Variants in PRRX2 observed in about 807,000 individuals in gnomAD.
PRRX2 encodes the protein paired mesoderm homeobox protein 2.
Under a neutral mutation model 18.0 loss-of-function variants are expected in PRRX2, and 11 were observed. The observed-to-expected ratio is 0.61, with a 90% CI of 0.39 to 1.01. The LOEUF (loss-of-function observed/expected upper bound fraction) is 1.01. Ranked by LOEUF, PRRX2 falls within the 50% of genes least tolerant of loss-of-function variation. The probability of loss-of-function intolerance (pLI) is 0.01; values close to 1 mark genes in which losing one functional copy is unlikely to be tolerated. For missense variants in PRRX2, 387 were observed against 351.0 expected (o/e 1.10, Z -0.82); for synonymous variants, 177 against 154.8 (o/e 1.14, Z -1.06).
intron 1 of PRRX2, among the ~76,000 whole-genome samples, chr9:129,669,196 C>T (rs909828462): frequency 6.6e-6 from 1 of 151,598 alleles, no homozygotes; most frequent in Non-Finnish European, 1.5e-5. Context: ...CACAAAGCCA[C>T]CAGTAGATAA....
intron 1 of PRRX2, among the ~76,000 whole-genome samples, chr9:129,705,149 C>T (rs1832541510): frequency 6.7e-6 from 1 of 149,492 alleles, no homozygotes; most frequent in Non-Finnish European, 1.5e-5. Flanking sequence ...ACCCACCCCG[C>T]ACCCCATTCC....
intron 1 of PRRX2, among the ~76,000 whole-genome samples, chr9:129,705,343 TCGG>T (rs1240909836): frequency 3.3e-5 from 5 of 152,186 alleles, no homozygotes; most frequent in Admixed American, 3.3e-4. Flanking sequence ...TCAGAGCCAC[TCGG>T]CTGCATCTGG....
Position 129,719,145 on chromosome 9 carries a change from C to CA in PRRX2, c.260-85dup, listed in dbSNP as rs1360933237. Reference sequence around the variant, plus strand: ...TTCCTGGCGGCGGCACTAAAGCACTCAGAGCAAACTGCAGAGTTGGGGGCT... The same window carrying CA: ...TTCCTGGCGGCGGCACTAAAGCACTCAAGAGCAAACTGCAGAGTTGGGGGCT... On this transcript the variant is annotated intron_variant, in intron 1 of 3. Transcript: ENST00000372469. 1.7e-5 allele frequency: 23 copies of CA among 1,326,902 alleles called. No homozygotes were observed. The Admixed American group carries it at 6.8e-4, about 39-fold the overall frequency. 82.2% of individuals were successfully genotyped at this position (1,326,902 alleles called of 1,614,324 possible).
chr9:129,708,292 T>C (rs935599180), intron 1 of PRRX2, among the ~76,000 whole-genome samples: 1 of 152,202 alleles, frequency 6.6e-6, no homozygotes, highest in African/African-American at 2.4e-5. Flanking sequence ...TGCCTCGGCC[T>C]CTGAAAGTGC....
rs187168182 is a variant in PRRX2, at chr9:129,671,429, G to T, written c.259+5303G>T. On this transcript the variant is annotated intron_variant, in intron 1 of 3. Coordinates refer to ENST00000372469, the MANE Select transcript of PRRX2 (RefSeq NM_016307.4). This position sits in a 1 kb window ranked among gnomAD's most constrained non-coding sequence, Gnocchi z 4.0. ...GGAGCTTGGGGGCCTGGCACAGGGGGCTTAGACCGGCTTGCCCTTCTCTGT... is the reference window on the plus strand; with the variant it reads ...GGAGCTTGGGGGCCTGGCACAGGGGTCTTAGACCGGCTTGCCCTTCTCTGT... Among the ~76,000 whole-genome samples, 222 of 152,286 alleles carry T rather than the reference G, an allele frequency of 1.5e-3. 1 individual carries two copies. The highest frequency in any genetic ancestry group is 5.1e-3 in the African/African-American group (213 of 41,550).
chr9:129,682,281 AC>A (rs1435827687), intron 1 of PRRX2, among the ~76,000 whole-genome samples: 1 of 151,910 alleles, frequency 6.6e-6, no homozygotes, highest in African/African-American at 2.4e-5. Context: ...GATAGGAAGC[AC>A]TTCACAAAGT....
chr9:129,705,913 A>G (rs1433095102), intron 1 of PRRX2, among the ~76,000 whole-genome samples: 1 of 151,384 alleles, frequency 6.6e-6, no homozygotes. Context: ...AGGGTTCCCC[A>G]AAGACCCTAA....
rs530542883 is a variant in PRRX2 at position 129,696,974 on chromosome 9, T to C, written c.260-22257T>C. ...CTGCAGCTTTCTCGCTGTGTGACCTTGGGCGACTGACCTCCCTCCCTAGTC... is the reference window on the plus strand; with the variant it reads ...CTGCAGCTTTCTCGCTGTGTGACCTCGGGCGACTGACCTCCCTCCCTAGTC... On this transcript the variant is annotated intron_variant, in intron 1 of 3. Transcript: ENST00000372469. 5.9e-5 allele frequency among the ~76,000 whole-genome samples: 9 copies of C among 152,282 alleles called. No individual in the cohort carries two copies. The East Asian group carries it at 1.4e-3, about 23-fold the overall frequency.
chr9:129,720,152 C>T (rs1457593440), intron 2 of PRRX2, among the ~76,000 whole-genome samples: 1 of 145,184 alleles, frequency 6.9e-6, no homozygotes, highest in Admixed American at 6.8e-5. Context: ...CCCCGCGAGT[C>T]CTCAGCAAGC....
chr9:129,702,075 T>C (rs1199957998), intron 1 of PRRX2, among the ~76,000 whole-genome samples: 4 of 151,264 alleles, frequency 2.6e-5, no homozygotes, highest in Non-Finnish European at 5.9e-5. Context: ...CACTCCAGCC[T>C]GGGCGACAGA....
intron 1 of PRRX2, among the ~76,000 whole-genome samples, chr9:129,681,114 C>T: frequency 6.6e-6 from 1 of 152,230 alleles, no homozygotes; most frequent in East Asian, 1.9e-4. Context: ...TGAGCCAGTC[C>T]CCGGGCTCCG....
intron 1 of PRRX2, among the ~76,000 whole-genome samples, chr9:129,680,615 G>A (rs1485862533): frequency 6.6e-6 from 1 of 152,134 alleles, no homozygotes; most frequent in South Asian, 2.1e-4. Context: ...AGAGTTCTGG[G>A]TGTCAGGAGC....
At position 129,720,701 on chromosome 9, in the gene PRRX2, G is replaced by C. The variant is rs773930013; in HGVS notation, c.553G>C (p.Glu185Gln). The change falls in exon 3 of 4, where the codon GAG becomes CAG. Residue 185 changes from glutamate (E) to glutamine (Q), a missense_variant. Glu to Gln is a conservative substitution (Grantham distance 29). Transcript: ENST00000372469. The stretch of plus-strand genomic sequence containing the variant: ...GTCCTACAGCCAGGAGGCCGCCATC[G>C]AGCAGCCCGTGGCTCCCCGGCCCAC... ...LKSYSQEAAIEQPVAPRPTAL... is the reference protein window; with the variant it reads ...LKSYSQEAAIQQPVAPRPTAL... 1 of 1,613,102 alleles carries C rather than the reference G, an allele frequency of 6.2e-7. No individual in the cohort carries two copies. The highest frequency in any genetic ancestry group is 8.5e-7 in the Non-Finnish European group (1 of 1,179,778).
At position 129,671,234 on chromosome 9, in the gene PRRX2, G is replaced by A. The variant is rs1459622284; in HGVS notation, c.259+5108G>A. On this transcript the variant is annotated intron_variant, in intron 1 of 3. Coordinates refer to ENST00000372469, the MANE Select transcript of PRRX2 (RefSeq NM_016307.4). This position sits in a 1 kb window ranked among gnomAD's most constrained non-coding sequence, Gnocchi z 4.0. Reference sequence around the variant, plus strand: ...GGGAGCAGGGAGGGAGGAGGAGTGAGTGAGAGGCTGAGTGCCCAGGGGGCC... The same window carrying A: ...GGGAGCAGGGAGGGAGGAGGAGTGAATGAGAGGCTGAGTGCCCAGGGGGCC... Among the ~76,000 whole-genome samples the A allele has an allele frequency of 1.3e-5, 2 of 152,226 alleles. No individual in the cohort carries two copies. Among genetic ancestry groups the A allele is most frequent in the African/African-American group, 2.4e-5 (1 of 41,462 alleles).
Position 129,722,343 on chromosome 9 carries a change from G to C in PRRX2, c.753G>C (p.Thr251=), listed in dbSNP as rs373951160. 4.3e-6 allele frequency: 7 copies of C among 1,613,868 alleles called. No homozygotes were observed. The highest frequency in any genetic ancestry group is 5.9e-6 in the Non-Finnish European group (7 of 1,179,980). The change falls in exon 4 of 4, where the codon ACG becomes ACC. Residue 251 remains threonine, a synonymous_variant. Transcript: ENST00000372469. ...GCCTGCACCACAGCCAGGTGCCTAC[G>C]GTGAACTGAAGTCCAGTCCCACCAG... ...EFSLHHSQVP[T]VN is the part of the protein sequence containing the mutation.
chr9:129,681,317 C>T (rs978756346), intron 1 of PRRX2, among the ~76,000 whole-genome samples: 3 of 152,074 alleles, frequency 2.0e-5, no homozygotes, highest in South Asian at 2.1e-4. Flanking sequence ...GTCAGGTGTT[C>T]GAGACCAGCC....
In PRRX2 at chr9:129,722,320, C is replaced by T. The variant is rs1832804316; in HGVS notation, c.730C>T (p.Leu244=). ...SLRLKAKEFS[L]HHSQVPTVN is the part of the protein sequence containing the mutation. ...CCGTCTCAAGGCCAAGGAGTTCAGC[C>T]TGCACCACAGCCAGGTGCCTACGGT... Residue 244 remains leucine (L), a synonymous_variant, in exon 4 of 4, where the codon CTG becomes TTG. Transcript: ENST00000372469. The T allele has an allele frequency of 6.2e-7, 1 of 1,614,036 alleles. No individual in the cohort carries two copies. The highest frequency in any genetic ancestry group is 1.3e-5 in the African/African-American group (1 of 75,058).
rs548604406 is a variant in PRRX2 at position 129,709,737 on chromosome 9, G to T, written c.260-9494G>T. On this transcript the variant is annotated intron_variant, in intron 1 of 3. Coordinates refer to ENST00000372469, the MANE Select transcript of PRRX2 (RefSeq NM_016307.4). The surrounding 1 kb of genome is among the most constrained non-coding windows in gnomAD (Gnocchi z 4.2). ...TTAATGAGGTGAAACATTCTTAAAA[G>T]TGTGGCAGGGCAGTGGCTGGTGGTG... Among the ~76,000 whole-genome samples, 21 of 152,286 alleles carry T rather than the reference G, an allele frequency of 1.4e-4. No homozygotes were observed. The highest frequency in any genetic ancestry group is 2.9e-4 in the Non-Finnish European group (20 of 68,012).
rs149231033 is a variant in PRRX2, at chr9:129,713,900, C to A, written c.260-5331C>A. Among the ~76,000 whole-genome samples the A allele has an allele frequency of 3.7e-3, 555 of 151,608 alleles. 6 individuals are homozygous for A. Among genetic ancestry groups the A allele is most frequent in the South Asian group, 0.017 (82 of 4,796 alleles). ...TCAGGTGTTCCGCCTGCCTCGACCT[C>A]CCAAAGTGCTGGGATTATAGGCATG... On this transcript the variant is annotated intron_variant, in intron 1 of 3. Transcript: ENST00000372469.
Sources: gnomAD v4.1 joint callset for allele counts (sites outside exome capture counted in the v4.1 genomes callset) on GRCh38, gnomAD v4.1.1 for gene constraint, Gnocchi (gnomAD v3.1) non-coding constraint, MANE v1.5 for transcripts, NCBI Gene and HGNC (gene_info 2026-07-23, HGNC 2026-07-21) for gene names.